The following CAMSAP2 variants were observed in gnomAD, a reference collection of about 807,000 sequenced individuals.
CAMSAP2 encodes the protein calmodulin regulated spectrin associated protein family member 2.
In CAMSAP2, 26 loss-of-function variants were observed where a neutral mutation model predicts 146.1. That is an observed-to-expected ratio of 0.18 (90% CI 0.13 to 0.25). CAMSAP2 has a LOEUF of 0.25. Ranked by LOEUF, CAMSAP2 falls within the 10% of genes least tolerant of loss-of-function variation. The pLI, the probability that CAMSAP2 is intolerant of heterozygous loss-of-function variation, is 1.00. For synonymous variants in CAMSAP2, 499 were observed against 596.6 expected, an observed-to-expected ratio of 0.84 and a Z score of 2.38; for missense variants, 1,381 against 1,759.3, an observed-to-expected ratio of 0.78 and a Z score of 3.85.
intron 4 of CAMSAP2, among the ~76,000 whole-genome samples, chr1:200,821,108 G>T (rs1223095467): frequency 1.3e-5 from 2 of 150,420 alleles, no homozygotes; most frequent in Admixed American, 1.3e-4. Flanking sequence ...GATAATTTTT[G>T]TTTTGAATCC....
At chr1:200,751,465 G>T (rs1408865441) in intron 1 of CAMSAP2, among the ~76,000 whole-genome samples, 1 of 149,564 alleles carries the variant, frequency 6.7e-6, no homozygotes, top group African/African-American at 2.5e-5. Context: ...GAATCAGGAG[G>T]CGGAGGTTGC....
At chr1:200,755,223 A>C (rs775819272) in intron 1 of CAMSAP2, among the ~76,000 whole-genome samples, 3 of 152,244 alleles carry the variant, frequency 2.0e-5, no homozygotes, top group Non-Finnish European at 4.4e-5. Context: ...TATTGCTAAC[A>C]GTGTTATTTA....
At chr1:200,741,655 A>G (rs965778520) in intron 1 of CAMSAP2, among the ~76,000 whole-genome samples, 4 of 152,256 alleles carry the variant, frequency 2.6e-5, no homozygotes, top group African/African-American at 9.6e-5. Context: ...TGCCATGCAT[A>G]CACAAAAGCT....
intron 2 of CAMSAP2, among the ~76,000 whole-genome samples, chr1:200,803,313 T>C (rs899755663): frequency 1.3e-5 from 2 of 152,210 alleles, no homozygotes; most frequent in Non-Finnish European, 2.9e-5. Flanking sequence ...CACAGGGTTG[T>C]TTCATTAAAT....
chr1:200,799,391 T>C (rs997160871), intron 2 of CAMSAP2, among the ~76,000 whole-genome samples: 1 of 152,192 alleles, frequency 6.6e-6, no homozygotes, highest in African/African-American at 2.4e-5. Flanking sequence ...CTTCCTGGTT[T>C]AGTCTTGGGA....
rs914229315 is a variant in CAMSAP2, at chr1:200,832,930, T to C, written c.927+85T>C. The stretch of plus-strand genomic sequence containing the variant: ...AAACAAAAACACCGGGAACAGTGGC[T>C]CATGCCTGTAATCCCAGTACTTTGG... On this transcript the variant is annotated intron_variant, in intron 6 of 16. Transcript: ENST00000358823. This position sits in a 1 kb window ranked among gnomAD's most constrained non-coding sequence, Gnocchi z 4.2. The C allele has an allele frequency of 8.2e-7, 1 of 1,214,770 alleles. No individual in the cohort carries two copies. Among genetic ancestry groups the C allele is most frequent in the Non-Finnish European group, 1.1e-6 (1 of 891,414 alleles). The allele number at this position is 1,214,770 out of a possible 1,614,324, so 75.2% of individuals were successfully genotyped here.
intron 2 of CAMSAP2, among the ~76,000 whole-genome samples, chr1:200,767,252 C>T (rs1444947286): frequency 6.6e-6 from 1 of 151,748 alleles, no homozygotes; most frequent in Non-Finnish European, 1.5e-5. Context: ...ATACCAGCTA[C>T]TTGGGAGGCT....
chr1:200,815,529 A>G (rs1666457734), intron 3 of CAMSAP2, 32 bp from the exon 4 acceptor site: 1 of 1,168,368 alleles, frequency 8.6e-7, no homozygotes, highest in South Asian at 1.8e-5. Context: ...AAAAAAGAAT[A>G]AAAATTCAAA....
rs1401162421 is a variant in CAMSAP2 at position 200,847,523 on chromosome 1, G to A, written c.1193-117G>A. On this transcript the variant is annotated intron_variant, in intron 9 of 16. Transcript: ENST00000358823. ...TAAAATTATCTCTAATTCTCCTTAT[G>A]TACCTATTTAATTTGTATTGCTATT... The A allele has an allele frequency of 8.4e-6, 7 of 838,122 alleles. No homozygotes were observed. The South Asian group carries it at 9.1e-5, about 11-fold the overall frequency. 51.9% of individuals were successfully genotyped at this position (838,122 alleles called of 1,614,324 possible).
intron 1 of CAMSAP2, among the ~76,000 whole-genome samples, chr1:200,747,776 C>T (rs927921109): frequency 6.6e-6 from 1 of 151,938 alleles, no homozygotes; most frequent in African/African-American, 2.4e-5. Flanking sequence ...TCTGGGAGGC[C>T]GAGGCAGGCG....
intron 2 of CAMSAP2, among the ~76,000 whole-genome samples, chr1:200,790,072 G>C (rs1665705619): frequency 6.6e-6 from 1 of 152,102 alleles, no homozygotes; most frequent in Non-Finnish European, 1.5e-5. Flanking sequence ...CTATAATTAG[G>C]TCTCAGGCTT....
chr1:200,781,907 G>T (rs890394476), intron 2 of CAMSAP2, among the ~76,000 whole-genome samples: 3 of 151,908 alleles, frequency 2.0e-5, no homozygotes, highest in African/African-American at 7.3e-5. Context: ...TGTCTTTGAT[G>T]GCTCATTGGC....
chr1:200,796,823 C>T (rs1244207915), intron 2 of CAMSAP2, among the ~76,000 whole-genome samples: 2 of 151,496 alleles, frequency 1.3e-5, no homozygotes, highest in Admixed American at 6.6e-5. Flanking sequence ...CCTCCCCTCT[C>T]CCCCCACCCC....
rs538293529 is a variant in CAMSAP2 at position 200,763,360 on chromosome 1, G to A, written c.399+2262G>A. On this transcript the variant is annotated intron_variant, in intron 2 of 16. Coordinates refer to ENST00000358823, the MANE Select transcript of CAMSAP2 (RefSeq NM_203459.4). ...TTGAGACTAGCCTGGCTAACATGGC[G>A]AAACCCCATCTCTACTGAAAATACA... Among the ~76,000 whole-genome samples the A allele has an allele frequency of 2.5e-4, 38 of 152,214 alleles. 1 individual carries two copies. In the South Asian group the frequency reaches 7.9e-3, roughly 32 times the overall value.
intron 2 of CAMSAP2, among the ~76,000 whole-genome samples, chr1:200,773,156 G>T (rs893247777): frequency 5.9e-5 from 9 of 152,108 alleles, no homozygotes; most frequent in African/African-American, 2.2e-4. Flanking sequence ...GATACTTAAG[G>T]AGTTGTCTGA....
In CAMSAP2 at chr1:200,858,609, A is replaced by T. The variant is rs1667803607; in HGVS notation, c.*550A>T. On this transcript the variant is annotated 3_prime_UTR_variant, in exon 17 of 17. Transcript: ENST00000358823. ...AAACACTAGTGTTTAGTTTTACAGT[A>T]ACCCTCATATTTTAATGGTGTTACA... 1 of 152,648 alleles carries T rather than the reference A, an allele frequency of 6.6e-6. No homozygotes were observed. Among genetic ancestry groups the T allele is most frequent in the Non-Finnish European group, 1.5e-5 (1 of 67,932 alleles). The allele number at this position is 152,648 out of a possible 1,614,324, so 9.5% of individuals were successfully genotyped here. A position where few individuals can be genotyped will look rare whatever the true frequency, so the allele number is the denominator to read the frequency against.
chr1:200,827,288 A>G (rs1203636800), intron 4 of CAMSAP2, among the ~76,000 whole-genome samples: 1 of 152,188 alleles, frequency 6.6e-6, no homozygotes, highest in African/African-American at 2.4e-5. Flanking sequence ...CCGTTAAGAG[A>G]CTTCTTTGTA....
intron 2 of CAMSAP2, among the ~76,000 whole-genome samples, chr1:200,798,183 G>GT (rs1665937948): frequency 6.7e-6 from 1 of 149,796 alleles, no homozygotes; most frequent in Non-Finnish European, 1.5e-5. Context: ...ATGAACTTTA[G>GT]TTTTTTCCAA....
At chr1:200,829,656 G>C (rs1005560250) in intron 4 of CAMSAP2, among the ~76,000 whole-genome samples, 1 of 152,114 alleles carries the variant, frequency 6.6e-6, no homozygotes, top group Non-Finnish European at 1.5e-5. Flanking sequence ...GGCCGGGTGC[G>C]GTGGCTCACG....
Sources: gnomAD v4.1 joint callset for allele counts (sites outside exome capture counted in the v4.1 genomes callset) on GRCh38, gnomAD v4.1.1 for gene constraint, Gnocchi (gnomAD v3.1) non-coding constraint, MANE v1.5 for transcripts, NCBI Gene and HGNC (gene_info 2026-07-23, HGNC 2026-07-21) for gene names.